IL17RC: variants seen among roughly 807,000 people sequenced by gnomAD.
The protein encoded by IL17RC is interleukin 17 receptor C.
A neutral mutation model predicts 86.7 loss-of-function variants in IL17RC; 53 were observed. That is an observed-to-expected ratio of 0.61 (90% CI 0.49 to 0.77). The LOEUF (loss-of-function observed/expected upper bound fraction) is 0.77, where lower values mean the gene tolerates loss of function less well. Ranked by LOEUF, IL17RC falls within the 30% of genes least tolerant of loss-of-function variation. The probability of loss-of-function intolerance (pLI) is 0.00; values close to 1 mark genes in which losing one functional copy is unlikely to be tolerated. For missense variants in IL17RC, 957 were observed against 940.0 expected, an observed-to-expected ratio of 1.02 and a Z score of -0.24; for synonymous variants, 439 against 413.1, an observed-to-expected ratio of 1.06 and a Z score of -0.76.
At chr3:9,920,362 C>G in intron 5 of IL17RC, 129 bp from the exon 6 acceptor site, 1 of 626,234 alleles carries the variant, frequency 1.6e-6, no homozygotes, top group Non-Finnish European at 2.9e-6. Flanking sequence ...TCAGGCTATA[C>G]AGTATAAATA....
At chr3:9,925,746 C>T (rs1410256618) in intron 9 of IL17RC, among the ~76,000 whole-genome samples, 1 of 151,396 alleles carries the variant, frequency 6.6e-6, no homozygotes, top group Non-Finnish European at 1.5e-5. Context: ...CTCAAATGCC[C>T]TCACCTCCTT....
chr3:9,919,415 C>T lies in IL17RC; in HGVS notation c.465+806C>T, dbSNP rs369220979. 1.2e-4 allele frequency among the ~76,000 whole-genome samples: 18 copies of T among 152,118 alleles called. 1 individual carries two copies. Among genetic ancestry groups the T allele is most frequent in the South Asian group, 1.0e-3 (5 of 4,810 alleles). ...ATCCCAGCACTTTGGGAGGCTGAGG[C>T]GGGCAGATCACGAAGTCAGGAGATT... On this transcript the variant is annotated intron_variant, in intron 5 of 18. Coordinates refer to ENST00000403601, the MANE Select transcript of IL17RC (RefSeq NM_153460.4).
chr3:9,918,124 G>A, intron 3 of IL17RC, 49 bp downstream of exon 3: 1 of 1,537,294 alleles, frequency 6.5e-7, no homozygotes, highest in African/African-American at 1.4e-5. Context: ...GAGTGTGTCT[G>A]GGGTGGGCAT....
rs528068888 is a variant in IL17RC at position 9,919,736 on chromosome 3, G to A, written c.466-755G>A. Among the ~76,000 whole-genome samples the A allele has an allele frequency of 5.1e-4, 77 of 152,254 alleles. 1 individual carries two copies. The highest frequency in any genetic ancestry group is 1.8e-3 in the African/African-American group (73 of 41,548). ...AACACTGGATGTAATGCCTGGCACT[G>A]AATAATTTCAATAAATTTAATTCTT... On this transcript the variant is annotated intron_variant, in intron 5 of 18. Coordinates refer to ENST00000403601, the MANE Select transcript of IL17RC (RefSeq NM_153460.4).
At position 9,933,558 on chromosome 3, in the gene IL17RC, C is replaced by T. The variant is rs765619888; in HGVS notation, c.2128C>T (p.Pro710Ser). 14 of 1,606,532 alleles carry T rather than the reference C, an allele frequency of 8.7e-6. No homozygotes were observed. In the East Asian group the frequency reaches 2.7e-4, roughly 31 times the overall value. Residue 710 changes from proline (P) to serine (S), a missense_variant, in exon 19 of 19, where the codon CCA becomes TCA. By Grantham distance (74) the Pro-to-Ser change is moderately conservative (BLOSUM62 -1). Coordinates refer to ENST00000403601, the MANE Select transcript of IL17RC (RefSeq NM_153460.4). ...TCCCGCGCCGGGACGCGGGGTGGGA[C>T]CAGGCGCGGGACCTGGGGCGGGGGA... ...GTPAPGRGVGPGAGPGAGDGT is the reference protein window; with the variant it reads ...GTPAPGRGVGSGAGPGAGDGT
chr3:9,932,908 CTG>C (rs774239841), intron 18 of IL17RC, 43 bp from the exon 19 acceptor site: 1 of 1,607,548 alleles, frequency 6.2e-7, no homozygotes, highest in Non-Finnish European at 8.5e-7. Context: ...GGAGCCAGGC[CTG>C]TGCCAGCTCA....
chr3:9,928,487 G>A lies in IL17RC; in HGVS notation c.1059+1G>A, dbSNP rs778205259. ...TTCCTGGGAGAACGTCACTGTGGAC[G>A]TAAGTGAAGCAGAGGGCACCTCCCG... On this transcript the variant is annotated splice_donor_variant, in intron 11 of 18. Coordinates refer to ENST00000403601, the MANE Select transcript of IL17RC (RefSeq NM_153460.4). LOFTEE classifies it high-confidence loss of function. The A allele has an allele frequency of 4.3e-6, 7 of 1,612,186 alleles. No individual in the cohort carries two copies. The highest frequency in any genetic ancestry group is 1.1e-5 in the South Asian group (1 of 91,072).
At position 9,932,990 on chromosome 3, in the gene IL17RC, A is replaced by G; in HGVS notation, c.1560A>G (p.Ser520=). The G allele has an allele frequency of 6.3e-7, 1 of 1,584,134 alleles. No homozygotes were observed. Among genetic ancestry groups the G allele is most frequent in the South Asian group, 1.1e-5 (1 of 87,250 alleles). The change falls in exon 19 of 19, where the codon TCA becomes TCG. Residue 520 remains serine (S), a synonymous_variant. Coordinates refer to ENST00000403601, the MANE Select transcript of IL17RC (RefSeq NM_153460.4). ...ARGRAALLLY[S]ADDSGFERLV... ...GCCGCGCGGCTCTGCTCCTCTACTC[A>G]GCCGATGACTCGGGTTTCGAGCGCC...
chr3:9,924,523 C>T (rs528268726), intron 9 of IL17RC, among the ~76,000 whole-genome samples: 2 of 152,238 alleles, frequency 1.3e-5, no homozygotes, highest in South Asian at 4.1e-4. Flanking sequence ...CTTCATGGCC[C>T]CATTCAAATG....
chr3:9,921,076 C>T (rs2083501088), intron 7 of IL17RC, 107 bp downstream of exon 7: 2 of 638,218 alleles, frequency 3.1e-6, no homozygotes, highest in Admixed American at 7.2e-5. Flanking sequence ...CAGAAGCTCA[C>T]AGAACATATT....
chr3:9,917,245 T>A lies in IL17RC; in HGVS notation c.-71T>A. On this transcript the variant is annotated 5_prime_UTR_variant, in exon 1 of 19. Coordinates refer to ENST00000403601, the MANE Select transcript of IL17RC (RefSeq NM_153460.4). ...CTGCCACCCACAGACACGGGCTGACTGGGGTGTCTGCCCCCCTTGGGGGGG... is the reference window on the plus strand; with the variant it reads ...CTGCCACCCACAGACACGGGCTGACAGGGGTGTCTGCCCCCCTTGGGGGGG... 1 of 1,226,346 alleles carries A rather than the reference T, an allele frequency of 8.2e-7. No individual in the cohort carries two copies. The highest frequency in any genetic ancestry group is 1.4e-5 in the South Asian group (1 of 70,036). 76.0% of individuals were successfully genotyped at this position (1,226,346 alleles called of 1,614,324 possible).
chr3:9,923,187 A>G (rs2083732853), intron 7 of IL17RC, among the ~76,000 whole-genome samples: 1 of 150,696 alleles, frequency 6.6e-6, no homozygotes, highest in Non-Finnish European at 1.5e-5. Context: ...AAAAAAAAAA[A>G]AAGGAAAAAA....
rs1358923318 is a variant in IL17RC, at chr3:9,917,963, T to C, written c.168T>C (p.Ala56=). 6.2e-7 allele frequency: 1 copy of C among 1,613,578 alleles called. No individual in the cohort carries two copies. Among genetic ancestry groups the C allele is most frequent in the Non-Finnish European group, 8.5e-7 (1 of 1,180,012 alleles). Residue 56 remains alanine, a synonymous_variant, in exon 3 of 19, where the codon GCT becomes GCC. Coordinates refer to ENST00000403601, the MANE Select transcript of IL17RC (RefSeq NM_153460.4). ...GCCTGCCTGGGGACATCGTGCCTGCTCCGGGCCCCGTGCTGGCGCCTACGC... is the reference window on the plus strand; with the variant it reads ...GCCTGCCTGGGGACATCGTGCCTGCCCCGGGCCCCGTGCTGGCGCCTACGC... The part of the protein sequence containing the change: ...ILCLPGDIVP[A]PGPVLAPTHL...
rs769207510 is a variant in IL17RC, at chr3:9,918,048, C to T, written c.253C>T (p.Arg85Cys). The T allele has an allele frequency of 3.8e-6, 6 of 1,593,940 alleles. No individual in the cohort carries two copies. The highest frequency in any genetic ancestry group is 4.6e-5 in the East Asian group (2 of 43,562). The change falls in exon 3 of 19, where the codon CGT (arginine) becomes TGT (cysteine). Residue 85 changes from arginine to cysteine, a missense_variant. Transcript: ENST00000403601. ...QKETDCDLCL[R>C]VAVHLAVHGH... ...GGAGACCGACTGTGACCTCTGTCTG[C>T]GTGTGGCTGTCCACTTGGCCGTGCA...
At chr3:9,929,771 C>T (rs187424662) in intron 12 of IL17RC, 81 bp from the exon 13 acceptor site, 147 of 1,508,248 alleles carry the variant, frequency 9.7e-5, no homozygotes, top group Middle Eastern at 1.8e-4. Context: ...AACAGGCCTT[C>T]TGTTGCCTGC....
Position 9,930,811 on chromosome 3 carries a change from A to G in IL17RC, c.1339-84A>G. 1.6e-6 allele frequency: 2 copies of G among 1,239,202 alleles called. No individual in the cohort carries two copies. 76.8% of individuals were successfully genotyped at this position (1,239,202 alleles called of 1,614,324 possible). A position where few individuals can be genotyped will look rare whatever the true frequency, so the allele number is the denominator to read the frequency against. On this transcript the variant is annotated intron_variant, in intron 15 of 18. Transcript: ENST00000403601. The surrounding 1 kb of genome is among the most constrained non-coding windows in gnomAD (Gnocchi z 5.8). ...GAGATATGCATAGTTGATGCTGGGA[A>G]TTTGGAGATCAGGCCACCAGAGCTT...
intron 7 of IL17RC, among the ~76,000 whole-genome samples, chr3:9,922,522 A>T: frequency 6.6e-6 from 1 of 152,246 alleles, no homozygotes; most frequent in East Asian, 1.9e-4. Flanking sequence ...TTCAACAGAT[A>T]TTTATTAATT....
Position 9,933,231 on chromosome 3 carries a change from G to C in IL17RC, c.1801G>C (p.Gly601Arg). ...EWLQDGVSGP[G>R]AHGPHDAFRA... ...GCTACAGGATGGGGTGTCCGGGCCC[G>C]GGGCGCACGGCCCGCACGACGCCTT... The change falls in exon 19 of 19, where the codon GGG (glycine) becomes CGG (arginine). Residue 601 changes from glycine to arginine, a missense_variant. Coordinates refer to ENST00000403601, the MANE Select transcript of IL17RC (RefSeq NM_153460.4). 1.9e-6 allele frequency: 3 copies of C among 1,606,248 alleles called. No homozygotes were observed. Among genetic ancestry groups the C allele is most frequent in the South Asian group, 2.2e-5 (2 of 90,362 alleles).
chr3:9,928,331 C>T lies in IL17RC; in HGVS notation c.904C>T (p.Gln302Ter). The T allele has an allele frequency of 6.2e-7, 1 of 1,603,838 alleles. No homozygotes were observed. Among genetic ancestry groups the T allele is most frequent in the Non-Finnish European group, 8.5e-7 (1 of 1,173,112 alleles). The change falls in exon 11 of 19, where the codon CAA becomes TAA. Residue 302 changes from glutamine (Q) to a stop codon, truncating the protein, a stop_gained. Transcript: ENST00000403601. LOFTEE classifies it high-confidence loss of function. Reference sequence around the variant, plus strand: ...CCCCCGCGCACACCAGAACCTCTGGCAAGCCGCCCGACTGCAACTGCTGAC... The same window carrying T: ...CCCCCGCGCACACCAGAACCTCTGGTAAGCCGCCCGACTGCAACTGCTGAC... ...EDPRAHQNLW[Q>*]AARLQLLTLQ...
Sources: gnomAD v4.1 joint callset for allele counts (sites outside exome capture counted in the v4.1 genomes callset) on GRCh38, gnomAD v4.1.1 for gene constraint, Gnocchi (gnomAD v3.1) non-coding constraint, MANE v1.5 for transcripts, NCBI Gene and HGNC (gene_info 2026-07-23, HGNC 2026-07-21) for gene names.